HLTF: variants seen among roughly 807,000 people sequenced by gnomAD.
HLTF encodes DNA-dependent ATPase/E3 ubiquitin-protein ligase HLTF.
A neutral mutation model predicts 129.4 loss-of-function variants in HLTF; 127 were observed. The observed-to-expected ratio is 0.98, with a 90% CI of 0.85 to 1.14. HLTF has a LOEUF of 1.14. HLTF is among the 50% of genes most tolerant of loss of function. The probability of loss-of-function intolerance (pLI) is 0.00; values close to 1 mark genes in which losing one functional copy is unlikely to be tolerated. For missense variants in HLTF, 1,139 were observed against 1,187.1 expected (o/e 0.96, Z 0.60); for synonymous variants, 332 against 388.8 (o/e 0.85, Z 1.72).
intron 18 of HLTF, among the ~76,000 whole-genome samples, chr3:149,045,226 G>A (rs1280557164): frequency 6.6e-6 from 1 of 152,062 alleles, no homozygotes; most frequent in Non-Finnish European, 1.5e-5. Context: ...CCTTCTGGCT[G>A]AAACACCCCT....
chr3:149,086,454 C>G lies in HLTF; in HGVS notation c.-118G>C, dbSNP rs980714470. 5.7e-6 allele frequency: 7 copies of G among 1,229,392 alleles called. No individual in the cohort carries two copies. The highest frequency in any genetic ancestry group is 8.1e-6 in the Non-Finnish European group (7 of 864,648). 76.2% of individuals were successfully genotyped at this position (1,229,392 alleles called of 1,614,324 possible). On this transcript the variant is annotated 5_prime_UTR_variant, in exon 1 of 25. Coordinates refer to ENST00000310053, the MANE Select transcript of HLTF (RefSeq NM_003071.4). ...GAAGCCGGGGACAAATTCCGAGCGC[C>G]GGATCAGGAGCGCACGACTGAAAGG...
Position 149,048,967 on chromosome 3 carries a change from C to T in HLTF, c.1652G>A (p.Trp551Ter), listed in dbSNP as rs913178874. 1.2e-6 allele frequency: 2 copies of T among 1,608,796 alleles called. No homozygotes were observed. The highest frequency in any genetic ancestry group is 1.1e-5 in the South Asian group (1 of 90,954). The change falls in exon 16 of 25, where the codon TGG becomes TAG. Residue 551 changes from tryptophan to a stop codon, truncating the protein, a stop_gained. Transcript: ENST00000310053. LOFTEE classifies it high-confidence loss of function. ...TCCTTCATCCAGGATCACTCTTAGCCACCTTATGCTATGTAATGGACTATC... is the reference window on the plus strand; with the variant it reads ...TCCTTCATCCAGGATCACTCTTAGCTACCTTATGCTATGTAATGGACTATC... ...KGDSPLHSIRWLRVILDEGHA... is the reference protein window; with the variant it reads ...KGDSPLHSIR
intron 14 of HLTF, among the ~76,000 whole-genome samples, chr3:149,053,330 C>T (rs1247219449): frequency 6.6e-6 from 1 of 152,090 alleles, no homozygotes; most frequent in East Asian, 1.9e-4. Context: ...AGTGCTATCC[C>T]CTTGGTGATG....
intron 7 of HLTF, among the ~76,000 whole-genome samples, chr3:149,070,352 AAC>A (rs939171427): frequency 6.6e-6 from 1 of 152,264 alleles, no homozygotes; most frequent in Non-Finnish European, 1.5e-5. Context: ...TATTCGGCCA[AAC>A]ACAGAGATGT....
intron 5 of HLTF, 38 bp from the exon 6 acceptor site, chr3:149,071,695 CTAAT>C (rs1718878456): frequency 8.3e-7 from 1 of 1,206,740 alleles, no homozygotes; most frequent in Non-Finnish European, 1.2e-6. Context: ...GTAAAACAAA[CTAAT>C]TAAAATAATA....
intron 18 of HLTF, among the ~76,000 whole-genome samples, chr3:149,045,599 AC>A (rs1716485889): frequency 6.6e-6 from 1 of 152,068 alleles, no homozygotes; most frequent in Admixed American, 6.6e-5. Context: ...CTTTGTACCT[AC>A]CTCACTGAAG....
chr3:149,073,333 C>G lies in HLTF; in HGVS notation c.530-11G>C, dbSNP rs10935740. On this transcript the variant is annotated splice_polypyrimidine_tract_variant and intron_variant, in intron 4 of 24. Transcript: ENST00000310053. ...AATTGAATCCTAAAGCTATAATTTA[C>G]AAAATAAAAAGAATAAAGCCATCAA... The G allele has an allele frequency of 7.5e-3, 11,749 of 1,563,922 alleles. 751 individuals are homozygous for G. In the African/African-American group the frequency reaches 0.14, roughly 19 times the overall value.
chr3:149,075,652 C>G (rs1317044279), intron 3 of HLTF, among the ~76,000 whole-genome samples: 1 of 152,180 alleles, frequency 6.6e-6, no homozygotes, highest in African/African-American at 2.4e-5. Flanking sequence ...GAACCAAGGT[C>G]TATTTTCTCC....
intron 13 of HLTF, 84 bp downstream of exon 13, chr3:149,059,634 T>C (rs1717752665): frequency 7.8e-6 from 6 of 772,740 alleles, no homozygotes; most frequent in South Asian, 3.4e-5. Context: ...TCTTGTAATA[T>C]GGTTTTATAA....
chr3:149,075,244 T>C (rs1256598569), intron 3 of HLTF, among the ~76,000 whole-genome samples: 1 of 152,304 alleles, frequency 6.6e-6, no homozygotes, highest in East Asian at 1.9e-4. Flanking sequence ...GTTTATAACC[T>C]CTGATATAAA....
intron 1 of HLTF, 28 bp downstream of exon 1, chr3:149,086,289 A>T (rs779148751): frequency 1.2e-6 from 2 of 1,600,326 alleles, no homozygotes; most frequent in Non-Finnish European, 1.7e-6. Flanking sequence ...CGTTAGACCG[A>T]GCGCCCCACC....
chr3:149,074,064 TC>T, intron 4 of HLTF, 150 bp downstream of exon 4: 1 of 619,900 alleles, frequency 1.6e-6, no homozygotes, highest in Non-Finnish European at 2.6e-6. Flanking sequence ...AAAGGAAAAA[TC>T]AGAGATTTCC....
intron 23 of HLTF, 53 bp downstream of exon 23, chr3:149,038,996 T>C (rs1715880300): frequency 9.1e-7 from 1 of 1,102,700 alleles, no homozygotes; most frequent in South Asian, 2.1e-5. Flanking sequence ...TTTTTTGTCT[T>C]ATTTTTTTGA....
intron 17 of HLTF, among the ~76,000 whole-genome samples, chr3:149,047,530 T>C (rs1207567400): frequency 6.6e-6 from 1 of 152,092 alleles, no homozygotes; most frequent in African/African-American, 2.4e-5. Flanking sequence ...TAATCTCAGC[T>C]ACTTGGGAGG....
At chr3:149,064,973 A>G in intron 8 of HLTF, 107 bp from the exon 9 acceptor site, 1 of 559,204 alleles carries the variant, frequency 1.8e-6, no homozygotes, top group South Asian at 3.1e-5. Context: ...AACGACTTAA[A>G]TTGCTACCCA....
At position 149,031,834 on chromosome 3, in the gene HLTF, T is replaced by C. The variant is rs2119342; in HGVS notation, c.*386A>G. 45,552 of 153,510 alleles carry C rather than the reference T, an allele frequency of 0.3. 7,537 individuals are homozygous for C. Among genetic ancestry groups the C allele is most frequent in the Middle Eastern group, 0.47 (143 of 304 alleles). 9.5% of individuals were successfully genotyped at this position (153,510 alleles called of 1,614,324 possible). ...CTGCATCACAAATCGGAGGCTTTGG[T>C]AAATAACTAAGTGTCCAACATAGAA... On this transcript the variant is annotated 3_prime_UTR_variant, in exon 25 of 25. Coordinates refer to ENST00000310053, the MANE Select transcript of HLTF (RefSeq NM_003071.4).
chr3:149,039,185 T>C lies in HLTF; in HGVS notation c.2660A>G (p.Gln887Arg), dbSNP rs768902155. Residue 887 changes from glutamine (Q) to arginine (R), a missense_variant, in exon 23 of 25, where the codon CAA becomes CGA. Gln to Arg is a conservative substitution (Grantham distance 43). Coordinates refer to ENST00000310053, the MANE Select transcript of HLTF (RefSeq NM_003071.4). ...VFTRLDGSMA[Q>R]KKRVESIQCF... ...CTGAATTGATTCAACTCTTTTCTTTTGGGCCATGGAACCATCCAAACGAGT... is the reference window on the plus strand; with the variant it reads ...CTGAATTGATTCAACTCTTTTCTTTCGGGCCATGGAACCATCCAAACGAGT... 4 of 1,608,764 alleles carry C rather than the reference T, an allele frequency of 2.5e-6. No individual in the cohort carries two copies. In the Admixed American group the frequency reaches 6.8e-5, roughly 27 times the overall value.
chr3:149,081,061 A>C (rs1719817466), intron 2 of HLTF, among the ~76,000 whole-genome samples: 1 of 152,166 alleles, frequency 6.6e-6, no homozygotes, highest in Non-Finnish European at 1.5e-5. Context: ...ATGTGTTACA[A>C]TTGCCCACAG....
chr3:149,049,996 G>A (rs1716848661), intron 15 of HLTF, among the ~76,000 whole-genome samples: 1 of 151,780 alleles, frequency 6.6e-6, no homozygotes, highest in Admixed American at 6.6e-5. Flanking sequence ...CCATCGAGAG[G>A]GAGGGGGAGG....
Sources: allele counts gnomAD v4.1 joint callset (sites outside exome capture counted in the v4.1 genomes callset), GRCh38; gene constraint gnomAD v4.1.1; transcripts MANE v1.5; gene names NCBI Gene and HGNC (gene_info 2026-07-23, HGNC 2026-07-21).